The following ERBB4 variants were observed in gnomAD, a reference collection of about 807,000 sequenced individuals.
The protein encoded by ERBB4 is receptor tyrosine-protein kinase erbB-4.
A neutral mutation model predicts 158.0 loss-of-function variants in ERBB4; 42 were observed. The observed-to-expected ratio is 0.27, with a 90% CI of 0.21 to 0.34. ERBB4 has a LOEUF of 0.34. ERBB4 is among the 10% of genes least tolerant of loss of function. The pLI, the probability that ERBB4 is intolerant of heterozygous loss-of-function variation, is 1.00. For missense variants in ERBB4, 1,333 were observed against 1,624.1 expected (o/e 0.82, Z 3.08); for synonymous variants, 583 against 558.7 (o/e 1.04, Z -0.61).
intron 20 of ERBB4, among the ~76,000 whole-genome samples, chr2:211,482,859 C>T (rs563143597): frequency 3.9e-5 from 6 of 151,982 alleles, no homozygotes; most frequent in Non-Finnish European, 7.4e-5. Context: ...GAGCCAAGAT[C>T]GCACTATTGC....
At chr2:212,253,251 T>C (rs1521636) in intron 1 of ERBB4, among the ~76,000 whole-genome samples, 48,941 of 151,932 alleles carry the variant, frequency 0.32, 8,554 homozygotes, top group African/African-American at 0.41. Context: ...ATTTTGTATA[T>C]GAATTTAACA....
chr2:211,407,042 T>G (rs1354065942), intron 25 of ERBB4, among the ~76,000 whole-genome samples: 1 of 152,094 alleles, frequency 6.6e-6, no homozygotes, highest in Non-Finnish European at 1.5e-5. Flanking sequence ...ATCACCCCAC[T>G]GTACTCTGGC....
chr2:211,931,772 A>T (rs2080183853), intron 3 of ERBB4, among the ~76,000 whole-genome samples: 1 of 152,054 alleles, frequency 6.6e-6, no homozygotes, highest in Non-Finnish European at 1.5e-5. Context: ...ATATCTGTCA[A>T]TGAAGAACCA....
At chr2:212,353,755 G>T (rs1308310883) in intron 1 of ERBB4, among the ~76,000 whole-genome samples, 5 of 152,006 alleles carry the variant, frequency 3.3e-5, no homozygotes, top group Non-Finnish European at 7.4e-5. Flanking sequence ...GAGTTAAGTG[G>T]GCACCAGATC....
intron 20 of ERBB4, among the ~76,000 whole-genome samples, chr2:211,551,941 G>C (rs1358427385): frequency 6.6e-6 from 1 of 152,140 alleles, no homozygotes; most frequent in Non-Finnish European, 1.5e-5. Context: ...CAAGCCTTAA[G>C]GAAGCTTTCA....
rs569406196 is a variant in ERBB4 at position 212,151,722 on chromosome 2, C to T, written c.83-26819G>A. ...TGGACAACATGGAGAAACCCTGTCT[C>T]TACTAAAAATACAAAAACCAGCTGG... On this transcript the variant is annotated intron_variant, in intron 1 of 27. Coordinates refer to ENST00000342788, the MANE Select transcript of ERBB4 (RefSeq NM_005235.3). Among the ~76,000 whole-genome samples, 6 of 152,060 alleles carry T rather than the reference C, an allele frequency of 3.9e-5. No homozygotes were observed. The South Asian group carries it at 1.0e-3, about 26-fold the overall frequency.
rs1287189610 is a variant in ERBB4 at position 211,383,981 on chromosome 2, T to A, written c.3561A>T (p.Glu1187Asp). The A allele has an allele frequency of 6.2e-7, 1 of 1,614,086 alleles. No homozygotes were observed. Among genetic ancestry groups the A allele is most frequent in the African/African-American group, 1.3e-5 (1 of 75,034 alleles). ...GTGGACCATTGGATGCATTGTGATA[T>A]TCGGGATTATCCAATGCTTGAAGGT... Reference protein sequence around the residue: ...NGDLQALDNPEYHNASNGPPK... With the variant: ...NGDLQALDNPDYHNASNGPPK... Residue 1187 changes from glutamate (E) to aspartate (D), a missense_variant, in exon 28 of 28, where the codon GAA becomes GAT. Glu to Asp is a conservative substitution (Grantham distance 45). Coordinates refer to ENST00000342788, the MANE Select transcript of ERBB4 (RefSeq NM_005235.3).
chr2:211,734,934 C>G (rs10932394), intron 5 of ERBB4, among the ~76,000 whole-genome samples: 93,662 of 134,298 alleles, frequency 0.7, 33,557 homozygotes, highest in African/African-American at 0.85. Context: ...AAAAAAAAGA[C>G]GGATTGTTCT....
intron 3 of ERBB4, among the ~76,000 whole-genome samples, chr2:211,803,386 T>G (rs549135892): frequency 6.6e-6 from 1 of 152,306 alleles, no homozygotes; most frequent in East Asian, 1.9e-4. Flanking sequence ...CAGAAGATAA[T>G]AAACTCTACA....
chr2:211,626,842 G>C (rs2069867206), intron 17 of ERBB4, among the ~76,000 whole-genome samples: 1 of 151,734 alleles, frequency 6.6e-6, no homozygotes, highest in South Asian at 2.1e-4. Context: ...GGAGAACGGC[G>C]TGAACCCAGG....
chr2:212,171,031 A>G (rs1006368835), intron 1 of ERBB4, among the ~76,000 whole-genome samples: 1 of 152,076 alleles, frequency 6.6e-6, no homozygotes, highest in Non-Finnish European at 1.5e-5. Flanking sequence ...GAAAAGCTGC[A>G]CACTCAACAC....
chr2:212,086,415 C>T (rs965848767), intron 2 of ERBB4, among the ~76,000 whole-genome samples: 6 of 150,324 alleles, frequency 4.0e-5, no homozygotes, highest in East Asian at 3.9e-4. Context: ...TGATTTAAAT[C>T]GCACTAAGGC....
intron 19 of ERBB4, among the ~76,000 whole-genome samples, chr2:211,616,860 T>C (rs1335538214): frequency 6.6e-6 from 1 of 152,130 alleles, no homozygotes; most frequent in African/African-American, 2.4e-5. Context: ...TTCTTTAACT[T>C]TTTTTAACTT....
At chr2:211,445,992 T>C (rs1172694916) in intron 20 of ERBB4, among the ~76,000 whole-genome samples, 3 of 152,122 alleles carry the variant, frequency 2.0e-5, no homozygotes, top group Admixed American at 6.5e-5. Flanking sequence ...TCCTCTGAGA[T>C]AGCAACAAAG....
At chr2:211,695,095 A>C (rs562588330) in intron 12 of ERBB4, among the ~76,000 whole-genome samples, 1 of 152,280 alleles carries the variant, frequency 6.6e-6, no homozygotes, top group East Asian at 1.9e-4. Flanking sequence ...GTTTTATCAC[A>C]GTTACCAGAG....
At chr2:212,455,461 A>AC in intron 1 of ERBB4, among the ~76,000 whole-genome samples, 1 of 152,144 alleles carries the variant, frequency 6.6e-6, no homozygotes, top group African/African-American at 2.4e-5. Context: ...CCAATATGGT[A>AC]GCCACTAGCC....
intron 20 of ERBB4, among the ~76,000 whole-genome samples, chr2:211,522,354 A>G (rs2066210046): frequency 6.6e-6 from 1 of 152,194 alleles, no homozygotes; most frequent in African/African-American, 2.4e-5. Context: ...GATAACTACA[A>G]TTAGAGTGGA....
intron 1 of ERBB4, among the ~76,000 whole-genome samples, chr2:212,515,079 A>C (rs779447267): frequency 6.6e-6 from 1 of 152,228 alleles, no homozygotes; most frequent in Non-Finnish European, 1.5e-5. Context: ...AAATGACTGC[A>C]ACTTCATAAA....
rs1324940817 is a variant in ERBB4 at position 212,506,209 on chromosome 2, G to A, written c.82+32240C>T. Among the ~76,000 whole-genome samples the A allele has an allele frequency of 3.4e-5, 5 of 148,874 alleles. 1 individual carries two copies. Among genetic ancestry groups the A allele is most frequent in the Non-Finnish European group, 3.0e-5 (2 of 65,996 alleles). Reference sequence around the variant, plus strand: ...ACCCAAACTTAATTAATAAATAGGTGTGTGTTCTGACTGCTTCACTAGGCC... The same window carrying A: ...ACCCAAACTTAATTAATAAATAGGTATGTGTTCTGACTGCTTCACTAGGCC... On this transcript the variant is annotated intron_variant, in intron 1 of 27. Transcript: ENST00000342788.
Sources: allele counts gnomAD v4.1 joint callset (sites outside exome capture counted in the v4.1 genomes callset), GRCh38; gene constraint gnomAD v4.1.1; transcripts MANE v1.5; gene names NCBI Gene and HGNC (gene_info 2026-07-23, HGNC 2026-07-21).